GAR1: variants seen among roughly 807,000 people sequenced by gnomAD.
GAR1 encodes the protein GAR1 ribonucleoprotein.
A neutral mutation model predicts 29.3 loss-of-function variants in GAR1; 11 were observed. The ratio of observed to expected loss-of-function variants is 0.38; its 90% CI spans 0.24 to 0.62. GAR1 has a LOEUF of 0.62. GAR1 is among the 20% of genes least tolerant of loss of function. The probability of loss-of-function intolerance (pLI) is 0.62; values close to 1 mark genes in which losing one functional copy is unlikely to be tolerated. For synonymous variants in GAR1, 87 were observed against 93.3 expected (o/e 0.93, Z 0.39); for missense variants, 237 against 268.4 (o/e 0.88, Z 0.82).
intron 5 of GAR1, 143 bp downstream of exon 5, chr4:109,822,631 CATA>C (rs1733544803): frequency 2.6e-6 from 2 of 757,950 alleles, no homozygotes; most frequent in African/African-American, 1.8e-5. Context: ...GCAGATTGTC[CATA>C]ATAATAATGC....
chr4:109,824,166 T>A, intron 6 of GAR1, 133 bp downstream of exon 6: 1 of 668,232 alleles, frequency 1.5e-6, no homozygotes, highest in Non-Finnish European at 2.6e-6. Flanking sequence ...TTGCTTAGCC[T>A]AATTTGTGGT....
chr4:109,823,891 T>C, intron 5 of GAR1, 74 bp from the exon 6 acceptor site: 1 of 940,154 alleles, frequency 1.1e-6, no homozygotes, highest in Non-Finnish European at 1.7e-6. Context: ...GGTTATACAG[T>C]TAATAACTTA....
chr4:109,817,829 G>A (rs1560579316), intron 2 of GAR1, 107 bp from the exon 3 acceptor site: 3 of 794,736 alleles, frequency 3.8e-6, no homozygotes, highest in Non-Finnish European at 2.0e-6. Flanking sequence ...TCAGAGGAGA[G>A]CAGTTATGGT....
At chr4:109,821,439 C>T (rs991761232) in intron 4 of GAR1, among the ~76,000 whole-genome samples, 1 of 152,096 alleles carries the variant, frequency 6.6e-6, no homozygotes, top group Admixed American at 6.5e-5. Context: ...GTTTTGAAAT[C>T]CTCGTGTGTT....
Position 109,822,391 on chromosome 4 carries a change from A to G in GAR1, c.474A>G (p.Leu158=), listed in dbSNP as rs376317026. 10 of 1,609,728 alleles carry G rather than the reference A, an allele frequency of 6.2e-6. No individual in the cohort carries two copies. The highest frequency in any genetic ancestry group is 8.5e-6 in the Non-Finnish European group (10 of 1,177,796). The change falls in exon 5 of 7, where the codon TTA becomes TTG. Residue 158 remains leucine, a synonymous_variant. Coordinates refer to ENST00000226796, the MANE Select transcript of GAR1 (RefSeq NM_018983.4). ...PYKLLPLQRF[L]PRPPGEKGPP... is the part of the protein sequence containing the mutation. ...AGCTGCTGCCACTGCAGAGGTTTTT[A>G]CCTCGACCTCCAGGTGAGAAAGGAC...
intron 4 of GAR1, 48 bp downstream of exon 4, chr4:109,819,108 G>A (rs920973181): frequency 7.3e-6 from 7 of 961,238 alleles, no homozygotes; most frequent in Admixed American, 1.7e-5. Context: ...ATAAGGGAAC[G>A]ACCTATCTTA....
Position 109,816,297 on chromosome 4 carries a change from G to C in GAR1, c.133G>C (p.Gly45Arg). Reference protein sequence around the residue: ...GGGGGNFRGGGRGGFGRGGGR... With the variant: ...GGGGGNFRGGRRGGFGRGGGR... Reference sequence around the variant, plus strand: ...AGGCGGCGGCAATTTCAGAGGCGGCGGCAGGGGAGGATTTGGACGAGGGGG... The same window carrying C: ...AGGCGGCGGCAATTTCAGAGGCGGCCGCAGGGGAGGATTTGGACGAGGGGG... Residue 45 changes from glycine (G) to arginine (R), a missense_variant, in exon 2 of 7, where the codon GGC becomes CGC. Coordinates refer to ENST00000226796, the MANE Select transcript of GAR1 (RefSeq NM_018983.4). 6.2e-7 allele frequency: 1 copy of C among 1,612,380 alleles called. No individual in the cohort carries two copies. Among genetic ancestry groups the C allele is most frequent in the Non-Finnish European group, 8.5e-7 (1 of 1,179,470 alleles).
At position 109,822,426 on chromosome 4, in the gene GAR1, G is replaced by C. The variant is rs759747616; in HGVS notation, c.509G>C (p.Gly170Ala). The change falls in exon 5 of 7, where the codon GGT becomes GCT. Residue 170 changes from glycine (G) to alanine (A), a missense_variant. By Grantham distance (60) the Gly-to-Ala change is moderately conservative (BLOSUM62 0). Coordinates refer to ENST00000226796, the MANE Select transcript of GAR1 (RefSeq NM_018983.4). ...RPPGEKGPPR[G>A]GGRGGRGGGR... ...CCAGGTGAGAAAGGACCTCCAAGAG[G>C]TGGTGGCAGGGGAGGCCGAGGAGGA... 4.3e-5 allele frequency: 69 copies of C among 1,611,762 alleles called. No individual in the cohort carries two copies. Among genetic ancestry groups the C allele is most frequent in the Admixed American group, 1.3e-4 (8 of 59,880 alleles).
chr4:109,817,777 G>A (rs1167651825), intron 2 of GAR1, among the ~76,000 whole-genome samples, 159 bp from the exon 3 acceptor site: 2 of 152,192 alleles, frequency 1.3e-5, no homozygotes, highest in African/African-American at 4.8e-5. Context: ...TTGTGGAGTT[G>A]GTATACCAGC....
chr4:109,823,800 C>T (rs1159222348), intron 5 of GAR1, among the ~76,000 whole-genome samples, 165 bp from the exon 6 acceptor site: 2 of 151,816 alleles, frequency 1.3e-5, no homozygotes, highest in East Asian at 1.9e-4. Flanking sequence ...AAATTTTTTC[C>T]CTGATAAAAT....
In GAR1 at chr4:109,820,064, C is replaced by T. The variant is rs926830057; in HGVS notation, c.429+1004C>T. The stretch of plus-strand genomic sequence containing the variant: ...GAAGATAAAAAGGCACCTTGGGAAG[C>T]GGTCAATATTGTGTGAGAGGGGCCA... On this transcript the variant is annotated intron_variant, in intron 4 of 6. Transcript: ENST00000226796. 9.9e-5 allele frequency among the ~76,000 whole-genome samples: 15 copies of T among 152,012 alleles called. No individual in the cohort carries two copies. The East Asian group carries it at 1.4e-3, about 14-fold the overall frequency.
intron 4 of GAR1, among the ~76,000 whole-genome samples, 186 bp from the exon 5 acceptor site, chr4:109,822,155 TAAAAAA>T (rs59097048): frequency 9.8e-6 from 1 of 101,640 alleles, no homozygotes; most frequent in Non-Finnish European, 2.0e-5. Context: ...GAACTTAAGG[TAAAAAA>T]AAAAAAAAAA....
intron 2 of GAR1, 24 bp downstream of exon 2, chr4:109,816,402 T>A (rs1294647353): frequency 6.2e-7 from 1 of 1,602,018 alleles, no homozygotes; most frequent in South Asian, 1.1e-5. Context: ...AGTATTTAGC[T>A]TATTTGAAGG....
At chr4:109,817,876 C>A in intron 2 of GAR1, 60 bp from the exon 3 acceptor site, 1 of 1,372,626 alleles carries the variant, frequency 7.3e-7, no homozygotes, top group Non-Finnish European at 1.0e-6. Flanking sequence ...CTTCCAGAAG[C>A]AGTTGGTCAG....
chr4:109,819,645 T>A (rs1230994548), intron 4 of GAR1: 1 of 152,492 alleles, frequency 6.6e-6, no homozygotes, highest in African/African-American at 2.4e-5. Context: ...TTTCCACTTC[T>A]GGAAATTTGA....
intron 6 of GAR1, among the ~76,000 whole-genome samples, 154 bp downstream of exon 6, chr4:109,824,187 A>G (rs1733591718): frequency 7.0e-6 from 1 of 142,870 alleles, no homozygotes; most frequent in South Asian, 2.3e-4. Context: ...TTCATTTTAT[A>G]TCACTTTTTT....
At chr4:109,817,847 C>T in intron 2 of GAR1, 89 bp from the exon 3 acceptor site, 1 of 1,057,450 alleles carries the variant, frequency 9.5e-7, no homozygotes, top group East Asian at 2.4e-5. Flanking sequence ...GGTGAAGTCC[C>T]AGGTAGCCAA....
chr4:109,821,231 T>A (rs1042334060), intron 4 of GAR1, among the ~76,000 whole-genome samples: 1 of 152,338 alleles, frequency 6.6e-6, no homozygotes, highest in East Asian at 1.9e-4. Flanking sequence ...GCACGTGAAG[T>A]GTGGCTCATG....
chr4:109,820,913 G>GA lies in GAR1; in HGVS notation c.430-1425dup, dbSNP rs371678667. Among the ~76,000 whole-genome samples, 556 of 150,608 alleles carry GA rather than the reference G, an allele frequency of 3.7e-3. 4 individuals are homozygous for GA. The highest frequency in any genetic ancestry group is 0.013 in the African/African-American group (518 of 41,128). ...AAAAGGGATTCTCATCTTGTGACCTGAAAAAAAAATGCTGGTAATAGCCAC... is the reference window on the plus strand; with the variant it reads ...AAAAGGGATTCTCATCTTGTGACCTGAAAAAAAAAATGCTGGTAATAGCCAC... On this transcript the variant is annotated intron_variant, in intron 4 of 6. Coordinates refer to ENST00000226796, the MANE Select transcript of GAR1 (RefSeq NM_018983.4).
Sources: gnomAD v4.1 joint callset for allele counts (sites outside exome capture counted in the v4.1 genomes callset) on GRCh38, gnomAD v4.1.1 for gene constraint, MANE v1.5 for transcripts, NCBI Gene and HGNC (gene_info 2026-07-23, HGNC 2026-07-21) for gene names.